PIBF1: variants seen among roughly 807,000 people sequenced by gnomAD.
PIBF1 encodes progesterone immunomodulatory binding factor 1, also known as progesterone-induced-blocking factor 1.
In PIBF1, 90 loss-of-function variants were observed where a neutral mutation model predicts 112.5. That is an observed-to-expected ratio of 0.80 (90% CI 0.67 to 0.95). The LOEUF (loss-of-function observed/expected upper bound fraction) is 0.95. Among genes scored for constraint, PIBF1 ranks in the 40% least tolerant of loss-of-function variants. The pLI is 0.00. For synonymous variants in PIBF1, 301 were observed against 288.6 expected (o/e 1.04, Z -0.44); for missense variants, 915 against 852.3 (o/e 1.07, Z -0.92).
chr13:72,871,841 G>T (rs2039178239), intron 10 of PIBF1, among the ~76,000 whole-genome samples: 1 of 152,086 alleles, frequency 6.6e-6, no homozygotes, highest in African/African-American at 2.4e-5. Flanking sequence ...TTTCCTGTTA[G>T]CTACTAGCCC....
intron 10 of PIBF1, among the ~76,000 whole-genome samples, chr13:72,862,263 A>G (rs1006293855): frequency 2.6e-5 from 4 of 152,214 alleles, no homozygotes; most frequent in Admixed American, 6.5e-5. Flanking sequence ...TGTTAAAGGA[A>G]TAGAATTAGA....
chr13:72,783,575 T>G lies in PIBF1; in HGVS notation c.106T>G (p.Ser36Ala). The change falls in exon 2 of 18, where the codon TCA becomes GCA. Residue 36 changes from serine to alanine, a missense_variant. By Grantham distance (99) the Ser-to-Ala change is moderately conservative (BLOSUM62 1). Transcript: ENST00000326291. Reference protein sequence around the residue: ...ETTVPTDDISSSEEREGKVRI... With the variant: ...ETTVPTDDISASEEREGKVRI... The stretch of plus-strand genomic sequence containing the variant: ...AACAGTTCCTACGGATGATATTTCC[T>G]CATCAGAAGAGCGAGAGGGCAAAGT... 6.2e-7 allele frequency: 1 copy of G among 1,614,032 alleles called. No homozygotes were observed. The highest frequency in any genetic ancestry group is 8.5e-7 in the Non-Finnish European group (1 of 1,179,902).
intron 5 of PIBF1, among the ~76,000 whole-genome samples, chr13:72,804,550 G>A (rs2138020267): frequency 6.6e-6 from 1 of 152,272 alleles, no homozygotes; most frequent in South Asian, 2.1e-4. Flanking sequence ...CCTTAGGGGA[G>A]AGGGGAGGGA....
At chr13:72,838,870 A>G (rs1344847100) in intron 9 of PIBF1, among the ~76,000 whole-genome samples, 1 of 152,228 alleles carries the variant, frequency 6.6e-6, no homozygotes. Flanking sequence ...AATATATAGC[A>G]TATATAAAAG....
intron 16 of PIBF1, among the ~76,000 whole-genome samples, chr13:72,992,395 G>A (rs530927764): frequency 9.2e-4 from 140 of 152,278 alleles, no homozygotes; most frequent in African/African-American, 3.2e-3. Flanking sequence ...AGAATGAAAC[G>A]AAGCTCTAGA....
chr13:73,002,660 G>C (rs1177219693), intron 17 of PIBF1, among the ~76,000 whole-genome samples: 2 of 151,992 alleles, frequency 1.3e-5, no homozygotes, highest in Non-Finnish European at 2.9e-5. Flanking sequence ...TCTACTTTTA[G>C]TCTTTTCACC....
Position 72,808,829 on chromosome 13 carries a change from G to T in PIBF1, c.672+10803G>T, listed in dbSNP as rs2035865242. Among the ~76,000 whole-genome samples the T allele has an allele frequency of 2.6e-5, 4 of 152,088 alleles. No homozygotes were observed. In the South Asian group the frequency reaches 8.3e-4, roughly 32 times the overall value. ...GAATGGGACTGGCCTCAGGCTAAGG[G>T]CTACTAAACAAAAACAAAAAATACC... On this transcript the variant is annotated intron_variant, in intron 5 of 17. Coordinates refer to ENST00000326291, the MANE Select transcript of PIBF1 (RefSeq NM_006346.4).
Position 72,805,267 on chromosome 13 carries a change from C to T in PIBF1, c.672+7241C>T, listed in dbSNP as rs541632999. Among the ~76,000 whole-genome samples, 35 of 152,320 alleles carry T rather than the reference C, an allele frequency of 2.3e-4. No individual in the cohort carries two copies. The South Asian group carries it at 6.8e-3, about 30-fold the overall frequency. On this transcript the variant is annotated intron_variant, in intron 5 of 17. Coordinates refer to ENST00000326291, the MANE Select transcript of PIBF1 (RefSeq NM_006346.4). ...ACGCCATTCTCCTGCCTCAACCTCC[C>T]GAGTAGCTGGGACTACAGGCACACG...
rs547478041 is a variant in PIBF1, at chr13:72,983,233, A to C, written c.2049+9558A>C. On this transcript the variant is annotated intron_variant, in intron 16 of 17. Transcript: ENST00000326291. ...GAGGATCCTTTAAGCCCAGGAGGTC[A>C]AGGCTGCAGTGAGTCATGATTGCAC... 1.1e-3 allele frequency among the ~76,000 whole-genome samples: 169 copies of C among 152,186 alleles called. 2 individuals carry two copies. The highest frequency in any genetic ancestry group is 3.8e-3 in the African/African-American group (156 of 41,536).
intron 9 of PIBF1, among the ~76,000 whole-genome samples, chr13:72,842,912 A>T (rs944518592): frequency 6.6e-6 from 1 of 152,270 alleles, no homozygotes; most frequent in African/African-American, 2.4e-5. Context: ...TACTCCTTAG[A>T]TGTTTACAAC....
At chr13:72,855,561 G>A (rs1286834789) in intron 10 of PIBF1, among the ~76,000 whole-genome samples, 1 of 151,982 alleles carries the variant, frequency 6.6e-6, no homozygotes, top group East Asian at 1.9e-4. Context: ...AGGCACGAGA[G>A]TCACTTGAAC....
At chr13:73,000,039 CAAAAAAT>C (rs1203371953) in intron 17 of PIBF1, among the ~76,000 whole-genome samples, 1 of 151,962 alleles carries the variant, frequency 6.6e-6, no homozygotes. Context: ...AACTCTGCCT[CAAAAAAT>C]AAAATAAAAT....
chr13:73,002,092 A>T (rs1373242989), intron 17 of PIBF1, among the ~76,000 whole-genome samples: 1 of 152,198 alleles, frequency 6.6e-6, no homozygotes, highest in African/African-American at 2.4e-5. Flanking sequence ...AACAAAAACT[A>T]ATTGAACCAC....
At chr13:72,918,851 G>A (rs563739072) in intron 13 of PIBF1, among the ~76,000 whole-genome samples, 1 of 151,780 alleles carries the variant, frequency 6.6e-6, no homozygotes, top group African/African-American at 2.4e-5. Context: ...TTACAGGCAT[G>A]TGCCACCATG....
At chr13:72,938,441 A>G (rs2041929501) in intron 14 of PIBF1, among the ~76,000 whole-genome samples, 1 of 152,140 alleles carries the variant, frequency 6.6e-6, no homozygotes, top group Non-Finnish European at 1.5e-5. Context: ...TATGTTATAT[A>G]AATGAAATCA....
chr13:72,974,447 G>A (rs2042971023), intron 16 of PIBF1, among the ~76,000 whole-genome samples: 1 of 152,136 alleles, frequency 6.6e-6, no homozygotes, highest in East Asian at 1.9e-4. Context: ...CTATAAAAGT[G>A]AAATTATCAG....
chr13:72,892,147 T>G (rs1359254438), intron 10 of PIBF1, among the ~76,000 whole-genome samples: 1 of 152,104 alleles, frequency 6.6e-6, no homozygotes, highest in African/African-American at 2.4e-5. Flanking sequence ...ACTGTGTATG[T>G]TAAAAGAGTG....
chr13:72,850,892 T>A (rs2038116053), intron 9 of PIBF1, among the ~76,000 whole-genome samples: 1 of 152,230 alleles, frequency 6.6e-6, no homozygotes, highest in South Asian at 2.1e-4. Context: ...TACTTTAGAA[T>A]GCACTTCCAC....
At chr13:72,860,305 AGG>A (rs1170783297) in intron 10 of PIBF1, among the ~76,000 whole-genome samples, 1 of 99,876 alleles carries the variant, frequency 1.0e-5, no homozygotes, top group South Asian at 4.0e-4. Flanking sequence ...GTGTTTTTTT[AGG>A]GGTGTGTGTG....
Sources: gnomAD v4.1 joint callset for allele counts (sites outside exome capture counted in the v4.1 genomes callset) on GRCh38, gnomAD v4.1.1 for gene constraint, MANE v1.5 for transcripts, NCBI Gene and HGNC (gene_info 2026-07-23, HGNC 2026-07-21) for gene names.